The following ABAT variants were observed in gnomAD, a reference collection of about 807,000 sequenced individuals.
The protein encoded by ABAT is 4-aminobutyrate aminotransferase, mitochondrial.
ABAT carries 45 observed loss-of-function variants against 64.6 expected under a neutral mutation model. The ratio of observed to expected loss-of-function variants is 0.70; its 90% confidence interval spans 0.55 to 0.89. The LOEUF (loss-of-function observed/expected upper bound fraction) is 0.89, where lower values mean the gene tolerates loss of function less well. Ranked by LOEUF, ABAT falls within the 40% of genes least tolerant of loss-of-function variation. ABAT has a pLI of 0.00. For missense variants in ABAT, 633 were observed against 658.4 expected (o/e 0.96, Z 0.42); for synonymous variants, 297 against 250.5 (o/e 1.19, Z -1.75).
In ABAT at chr16:8,764,458, G is replaced by A. The variant is rs1488032466; in HGVS notation, c.448-280G>A. Among the ~76,000 whole-genome samples the A allele has an allele frequency of 2.6e-5, 4 of 152,148 alleles. 1 individual carries two copies. In the East Asian group the frequency reaches 5.8e-4, roughly 22 times the overall value. ...GATTAAAGCCATTGGGAGCCTCAAC[G>A]TCCCGCCTGGAACGTGTAGGTGTCT... On this transcript the variant is annotated intron_variant, in intron 7 of 15. Transcript: ENST00000268251. This position sits in a 1 kb window ranked among gnomAD's most constrained non-coding sequence, Gnocchi z 4.2.
At chr16:8,771,484 T>TTTTTTTTTA (rs2060107951) in intron 11 of ABAT, among the ~76,000 whole-genome samples, 7 of 127,466 alleles carry the variant, frequency 5.5e-5, no homozygotes, top group African/African-American at 1.1e-4. Context: ...TTTTTTTTTT[T>TTTTTTTTTA]GAGACAGAGT....
chr16:8,677,732 C>T (rs190727789), intron 1 of ABAT, among the ~76,000 whole-genome samples: 151 of 152,278 alleles, frequency 9.9e-4, no homozygotes, highest in African/African-American at 3.4e-3. Context: ...GGAGCAAAAT[C>T]ATCCTTTTCC....
At chr16:8,755,736 C>A (rs1490093252) in intron 5 of ABAT, among the ~76,000 whole-genome samples, 1 of 148,570 alleles carries the variant, frequency 6.7e-6, no homozygotes, top group Non-Finnish European at 1.5e-5. Flanking sequence ...CATGGCAAAA[C>A]CTCATATCTA....
chr16:8,777,890 A>G (rs1266519773), intron 14 of ABAT, among the ~76,000 whole-genome samples: 1 of 152,138 alleles, frequency 6.6e-6, no homozygotes, highest in Non-Finnish European at 1.5e-5. Context: ...AAGCAGGAGG[A>G]TTGCCTTCAG....
chr16:8,742,471 G>C (rs1231227471), intron 2 of ABAT, among the ~76,000 whole-genome samples: 2 of 152,134 alleles, frequency 1.3e-5, no homozygotes, highest in African/African-American at 4.8e-5. Context: ...CACTGGTGAA[G>C]AGCTATTTTT....
At chr16:8,698,509 T>C (rs972433827) in intron 1 of ABAT, among the ~76,000 whole-genome samples, 10 of 152,172 alleles carry the variant, frequency 6.6e-5, no homozygotes, top group African/African-American at 2.4e-4. Flanking sequence ...AATTCTTGTA[T>C]GTTTAGTAGA....
chr16:8,680,020 G>A (rs963808494), intron 1 of ABAT, among the ~76,000 whole-genome samples: 2 of 151,980 alleles, frequency 1.3e-5, no homozygotes, highest in Non-Finnish European at 1.5e-5. Context: ...ACTCTCCAAG[G>A]GCAAGTTTTC....
rs1313399161 is a variant in ABAT at position 8,776,240 on chromosome 16, T to G, written c.1123-104T>G. ...AGCCTCTGGTAGATGCCCACTAGAT[T>G]AGTTTCTCTCCTCTTCAAGAGAGGA... is the stretch of plus-strand genomic sequence containing the variant. On this transcript the variant is annotated intron_variant, in intron 13 of 15. Transcript: ENST00000268251. This position sits in a 1 kb window ranked among gnomAD's most constrained non-coding sequence, Gnocchi z 4.4. The G allele has an allele frequency of 6.6e-7, 1 of 1,503,774 alleles. No homozygotes were observed. Among genetic ancestry groups the G allele is most frequent in the Non-Finnish European group, 9.2e-7 (1 of 1,088,490 alleles). 93.2% of individuals were successfully genotyped at this position (1,503,774 alleles called of 1,614,324 possible).
chr16:8,729,709 C>T (rs1229110598), intron 1 of ABAT, among the ~76,000 whole-genome samples: 1 of 151,704 alleles, frequency 6.6e-6, no homozygotes, highest in Non-Finnish European at 1.5e-5. Context: ...GCCTGTAGTC[C>T]CAGCTACTTG....
At chr16:8,737,989 G>GAA (rs397934923) in intron 2 of ABAT, among the ~76,000 whole-genome samples, 1,223 of 16,728 alleles carry the variant, frequency 0.073, 309 homozygotes, top group East Asian at 0.14. Flanking sequence ...AGGAAGGAAG[G>GAA]AGGAAAGAAA....
chr16:8,736,720 G>T (rs1383597912), intron 2 of ABAT: 1 of 152,124 alleles, frequency 6.6e-6, no homozygotes, highest in African/African-American at 2.4e-5. Flanking sequence ...ATGAGGGAGG[G>T]AGGCTCAAGT....
At chr16:8,717,234 G>C (rs1234880130) in intron 1 of ABAT, among the ~76,000 whole-genome samples, 1 of 152,176 alleles carries the variant, frequency 6.6e-6, no homozygotes, top group Non-Finnish European at 1.5e-5. Flanking sequence ...AGGTTGCAGT[G>C]AGCCGAGATT....
chr16:8,723,039 C>T (rs1056299819), intron 1 of ABAT, among the ~76,000 whole-genome samples: 1 of 152,052 alleles, frequency 6.6e-6, no homozygotes, highest in Non-Finnish European at 1.5e-5. Context: ...TCAAGACCAG[C>T]CTAGCCAACA....
intron 5 of ABAT, among the ~76,000 whole-genome samples, chr16:8,753,598 C>T (rs2059554972): frequency 6.6e-6 from 1 of 152,232 alleles, no homozygotes; most frequent in African/African-American, 2.4e-5. Context: ...AGGCTTAGCT[C>T]TCCAAAGGCA....
intron 1 of ABAT, among the ~76,000 whole-genome samples, chr16:8,719,117 A>G (rs1435055612): frequency 6.6e-6 from 1 of 152,146 alleles, no homozygotes; most frequent in Non-Finnish European, 1.5e-5. Context: ...CGGGAACACG[A>G]GATCCCACAG....
chr16:8,728,767 G>T (rs757002570), intron 1 of ABAT, among the ~76,000 whole-genome samples: 4 of 152,056 alleles, frequency 2.6e-5, no homozygotes, highest in Non-Finnish European at 4.4e-5. Flanking sequence ...CCAGCTACTC[G>T]GGAGGCTGAG....
At chr16:8,710,326 G>A (rs1237440929) in intron 1 of ABAT, among the ~76,000 whole-genome samples, 1 of 152,146 alleles carries the variant, frequency 6.6e-6, no homozygotes, top group Non-Finnish European at 1.5e-5. Context: ...AAACCCTGAA[G>A]ACAAATGAAT....
rs1235955917 is a variant in ABAT, at chr16:8,768,851, G to C, written c.694G>C (p.Ala232Pro). 6.2e-7 allele frequency: 1 copy of C among 1,614,058 alleles called. No individual in the cohort carries two copies. Among genetic ancestry groups the C allele is most frequent in the Non-Finnish European group, 8.5e-7 (1 of 1,180,044 alleles). ...TTGCTTAGCGACCACGCACTCTAAA[G>C]CCATTCACAAGATCGACATCCCTTC... ...MGCLATTHSK[A>P]IHKIDIPSFD... The change falls in exon 11 of 16, where the codon GCC becomes CCC. Residue 232 changes from alanine to proline, a missense_variant. Physicochemically the swap from Ala to Pro is conservative, Grantham distance 27. Transcript: ENST00000268251.
chr16:8,768,692 T>C, intron 10 of ABAT, 133 bp from the exon 11 acceptor site: 1 of 1,211,392 alleles, frequency 8.3e-7, no homozygotes, highest in South Asian at 1.2e-5. Context: ...TAAAAAGAAC[T>C]GGGGTTTCAC....
Sources: allele counts gnomAD v4.1 joint callset (sites outside exome capture counted in the v4.1 genomes callset), GRCh38; gene constraint gnomAD v4.1.1; non-coding constraint Gnocchi (gnomAD v3.1); transcripts MANE v1.5; gene names NCBI Gene and HGNC (gene_info 2026-07-23, HGNC 2026-07-21).